The following MMACHC variants were observed in gnomAD, a reference collection of about 807,000 sequenced individuals.
The protein encoded by MMACHC is cyanocobalamin reductase / alkylcobalamin dealkylase.
MMACHC carries 14 observed loss-of-function variants against 17.6 expected under a neutral mutation model. The ratio of observed to expected loss-of-function variants is 0.80; its 90% confidence interval spans 0.53 to 1.25. The LOEUF is 1.25. MMACHC is among the 50% of genes most tolerant of loss of function. The probability of loss-of-function intolerance (pLI) is 0.00; values close to 1 mark genes in which losing one functional copy is unlikely to be tolerated. For missense variants in MMACHC, 392 were observed against 364.5 expected, an observed-to-expected ratio of 1.08 and a Z score of -0.62; for synonymous variants, 151 against 142.1, an observed-to-expected ratio of 1.06 and a Z score of -0.45.
Position 45,508,838 on chromosome 1 carries a change from T to C in MMACHC, c.472T>C (p.Phe158Leu), listed in dbSNP as rs201312386. 1.9e-4 allele frequency: 307 copies of C among 1,614,054 alleles called. No individual in the cohort carries two copies. The Middle Eastern group carries it at 4.9e-3, about 26-fold the overall frequency. The change falls in exon 4 of 4, where the codon TTT becomes CTT. Residue 158 changes from phenylalanine to leucine, a missense_variant. Transcript: ENST00000401061. ...VCIHPRFGGW[F>L]AIRGVVLLPG... ...CATACACCCCCGATTTGGGGGCTGGTTTGCCATCCGAGGGGTAGTGCTGCT... is the reference window on the plus strand; with the variant it reads ...CATACACCCCCGATTTGGGGGCTGGCTTGCCATCCGAGGGGTAGTGCTGCT...
In MMACHC at chr1:45,512,940, C is replaced by T. The variant is rs1271668614; in HGVS notation, c.*3725C>T. ...TTACTTGGTGCTAGCCAAGCTAGCA[C>T]CTTTGGGTCTTCCCAAACATACACC... On this transcript the variant is annotated 3_prime_UTR_variant, in exon 4 of 4. Coordinates refer to ENST00000401061, the MANE Select transcript of MMACHC (RefSeq NM_015506.3). 3.3e-5 allele frequency: 5 copies of T among 152,170 alleles called. No individual in the cohort carries two copies. The highest frequency in any genetic ancestry group is 7.3e-5 in the Non-Finnish European group (5 of 68,042). The allele number at this position is 152,170 out of a possible 1,614,324, so 9.4% of individuals were successfully genotyped here.
In MMACHC at chr1:45,506,035, C is replaced by A. The variant is rs139814460; in HGVS notation, c.82-1321C>A. On this transcript the variant is annotated intron_variant, in intron 1 of 3. Coordinates refer to ENST00000401061, the MANE Select transcript of MMACHC (RefSeq NM_015506.3). ...GCTCTGGATATAGTAAAATTTTAAT[C>A]TATTATAACCCCTTGATCTTCAGTG... 2.0e-5 allele frequency among the ~76,000 whole-genome samples: 3 copies of A among 152,172 alleles called. No homozygotes were observed. In the East Asian group the frequency reaches 5.8e-4, roughly 29 times the overall value.
intron 1 of MMACHC, among the ~76,000 whole-genome samples, chr1:45,501,438 A>G (rs1386032575): frequency 6.6e-6 from 1 of 152,160 alleles, no homozygotes; most frequent in Non-Finnish European, 1.5e-5. Flanking sequence ...TAGAGGGAGA[A>G]GTAGGTTGGG....
At position 45,508,868 on chromosome 1, in the gene MMACHC, G is replaced by C; in HGVS notation, c.502G>C (p.Gly168Arg). ...CATCCGAGGGGTAGTGCTGCTGCCA[G>C]GGATAGAGGTGCCAGATCTGCCACC... ...FAIRGVVLLP[G>R]IEVPDLPPRK... Residue 168 changes from glycine (G) to arginine (R), a missense_variant, in exon 4 of 4, where the codon GGG becomes CGG. Gly to Arg is a moderately radical substitution (Grantham distance 125, BLOSUM62 -2). Transcript: ENST00000401061. 6.2e-7 allele frequency: 1 copy of C among 1,614,208 alleles called. No homozygotes were observed. Among genetic ancestry groups the C allele is most frequent in the Admixed American group, 1.7e-5 (1 of 60,022 alleles).
At chr1:45,505,089 C>G (rs1486647786) in intron 1 of MMACHC, among the ~76,000 whole-genome samples, 1 of 145,440 alleles carries the variant, frequency 6.9e-6, no homozygotes. Context: ...GTACCCTAGC[C>G]CCTGGGCGAC....
chr1:45,502,180 A>G (rs1400615673), intron 1 of MMACHC, among the ~76,000 whole-genome samples: 1 of 152,160 alleles, frequency 6.6e-6, no homozygotes, highest in African/African-American at 2.4e-5. Flanking sequence ...TTCCCTCTAC[A>G]GACCCTTCAC....
At chr1:45,507,639 A>C (rs1358719361) in intron 2 of MMACHC, 89 bp downstream of exon 2, 1 of 1,425,122 alleles carries the variant, frequency 7.0e-7, no homozygotes, top group Non-Finnish European at 9.8e-7. Context: ...ACCTAGGGCT[A>C]GGAGCCACTT....
chr1:45,505,578 G>C (rs1231645114), intron 1 of MMACHC, among the ~76,000 whole-genome samples: 1 of 151,678 alleles, frequency 6.6e-6, no homozygotes, highest in Non-Finnish European at 1.5e-5. Context: ...GCAGGCATGA[G>C]CCACCGCGCC....
Position 45,508,985 on chromosome 1 carries a change from G to A in MMACHC, c.619G>A (p.Asp207Asn). The A allele has an allele frequency of 6.2e-7, 1 of 1,614,180 alleles. No homozygotes were observed. Among genetic ancestry groups the A allele is most frequent in the Non-Finnish European group, 8.5e-7 (1 of 1,180,034 alleles). Residue 207 changes from aspartate (D) to asparagine (N), a missense_variant, in exon 4 of 4, where the codon GAT (aspartate) becomes AAT (asparagine). Physicochemically the swap from Asp to Asn is conservative, Grantham distance 23. Coordinates refer to ENST00000401061, the MANE Select transcript of MMACHC (RefSeq NM_015506.3). ...CCACTGGCGTGATTGGACTTACCGG[G>A]ATGCTGTGACACCCCAGGAGCGCTA... ...NFHWRDWTYR[D>N]AVTPQERYSE...
intron 1 of MMACHC, among the ~76,000 whole-genome samples, chr1:45,502,519 G>A (rs1643561846): frequency 6.6e-6 from 1 of 152,092 alleles, no homozygotes; most frequent in Non-Finnish European, 1.5e-5. Flanking sequence ...TGGGATTACA[G>A]GCATGAGTCA....
chr1:45,503,036 C>T (rs1274205395), intron 1 of MMACHC, among the ~76,000 whole-genome samples: 1 of 152,138 alleles, frequency 6.6e-6, no homozygotes, highest in East Asian at 1.9e-4. Flanking sequence ...TCAGAGGACC[C>T]TTATCTGACC....
rs1320195955 is a variant in MMACHC, at chr1:45,510,888, T to G, written c.*1673T>G. On this transcript the variant is annotated 3_prime_UTR_variant, in exon 4 of 4. Coordinates refer to ENST00000401061, the MANE Select transcript of MMACHC (RefSeq NM_015506.3). ...GTGTAGTGAAACAAAATGTAACACC[T>G]TGGGTTCATTCAGTTCCATTCCCTA... is the stretch of plus-strand genomic sequence containing the variant. The G allele has an allele frequency of 6.5e-6, 1 of 153,406 alleles. No homozygotes were observed. The highest frequency in any genetic ancestry group is 2.1e-4 in the South Asian group (1 of 4,878). The allele number at this position is 153,406 out of a possible 1,614,324, so 9.5% of individuals were successfully genotyped here.
chr1:45,506,548 A>G (rs1643622575), intron 1 of MMACHC, among the ~76,000 whole-genome samples: 1 of 151,972 alleles, frequency 6.6e-6, no homozygotes, highest in South Asian at 2.1e-4. Flanking sequence ...GTGCAGTGGC[A>G]CGATCTTGTC....
rs752368805 is a variant in MMACHC, at chr1:45,508,967, C to T, written c.601C>T (p.Arg201Cys). Residue 201 changes from arginine (R) to cysteine (C), a missense_variant, in exon 4 of 4, where the codon CGT (arginine) becomes TGT (cysteine). Transcript: ENST00000401061. ...ACTCGAAGGCTTCAATTTCCACTGG[C>T]GTGATTGGACTTACCGGGATGCTGT... ...ALLEGFNFHWRDWTYRDAVTP... is the reference protein window; with the variant it reads ...ALLEGFNFHWCDWTYRDAVTP... The T allele has an allele frequency of 4.3e-6, 7 of 1,614,048 alleles. No individual in the cohort carries two copies. Among genetic ancestry groups the T allele is most frequent in the East Asian group, 2.2e-5 (1 of 44,904 alleles).
chr1:45,506,411 A>G (rs1343316526), intron 1 of MMACHC, among the ~76,000 whole-genome samples: 2 of 152,180 alleles, frequency 1.3e-5, no homozygotes, highest in Non-Finnish European at 2.9e-5. Flanking sequence ...CTATGCCCTC[A>G]TGCACCTCAG....
chr1:45,511,469 T>G lies in MMACHC; in HGVS notation c.*2254T>G. On this transcript the variant is annotated 3_prime_UTR_variant, in exon 4 of 4. Transcript: ENST00000401061. ...ACCTTCTCAATGGTATGCACCACCA[T>G]TCTCCTATGGACAAAACCAGTTCTG... The G allele has an allele frequency of 2.7e-6, 4 of 1,469,920 alleles. No homozygotes were observed. Among genetic ancestry groups the G allele is most frequent in the Non-Finnish European group, 3.8e-6 (4 of 1,060,072 alleles). The allele number at this position is 1,469,920 out of a possible 1,614,324, so 91.1% of individuals were successfully genotyped here. A position where few individuals can be genotyped will look rare whatever the true frequency, so the allele number is the denominator to read the frequency against.
chr1:45,506,323 G>C (rs979298498), intron 1 of MMACHC, among the ~76,000 whole-genome samples: 11 of 152,074 alleles, frequency 7.2e-5, no homozygotes, highest in African/African-American at 2.7e-4. Flanking sequence ...AGAAATCTCC[G>C]ATCTTGTTTT....
rs10610450 is a variant in MMACHC at position 45,511,583 on chromosome 1, CAT to C, written c.*2372_*2373del. The C allele has an allele frequency of 0.029, 12,968 of 444,644 alleles. 1,256 individuals are homozygous for C. The highest frequency in any genetic ancestry group is 0.22 in the African/African-American group (10,836 of 49,582). The allele number at this position is 444,644 out of a possible 1,614,324, so 27.5% of individuals were successfully genotyped here. On this transcript the variant is annotated 3_prime_UTR_variant, in exon 4 of 4. Coordinates refer to ENST00000401061, the MANE Select transcript of MMACHC (RefSeq NM_015506.3). The stretch of plus-strand genomic sequence containing the variant: ...TAGTATGAGCTAACCATTTTACAAA[CAT>C]ATAATCATCACCACAGCCTTAAGAT...
At chr1:45,505,117 T>TAA (rs1557606162) in intron 1 of MMACHC, among the ~76,000 whole-genome samples, 8 of 28,468 alleles carry the variant, frequency 2.8e-4, no homozygotes, top group African/African-American at 7.8e-4. Flanking sequence ...CTGTATACAT[T>TAA]TAAAAAAAAA....
Sources: gnomAD v4.1 joint callset for allele counts (sites outside exome capture counted in the v4.1 genomes callset) on GRCh38, gnomAD v4.1.1 for gene constraint, MANE v1.5 for transcripts, NCBI Gene and HGNC (gene_info 2026-07-23, HGNC 2026-07-21) for gene names.